Variants in PTPRD observed in about 807,000 individuals in gnomAD.
PTPRD encodes receptor-type tyrosine-protein phosphatase delta.
In PTPRD, 34 loss-of-function variants were observed where a neutral mutation model predicts 214.5. The observed-to-expected ratio is 0.16, with a 90% CI of 0.12 to 0.21. The LOEUF (loss-of-function observed/expected upper bound fraction) is 0.21. PTPRD is among the 10% of genes least tolerant of loss of function. The pLI, the probability that PTPRD is intolerant of heterozygous loss-of-function variation, is 1.00. For synonymous variants in PTPRD, 1,128 were observed against 845.7 expected (o/e 1.33, Z -5.79); for missense variants, 2,545 against 2,398.7 (o/e 1.06, Z -1.27).
At chr9:8,803,328 T>C (rs1170928561) in intron 11 of PTPRD, among the ~76,000 whole-genome samples, 1 of 152,108 alleles carries the variant, frequency 6.6e-6, no homozygotes, top group Non-Finnish European at 1.5e-5. Flanking sequence ...TTCCCTATAA[T>C]TTAATTACCT....
chr9:9,104,825 G>A (rs2099796245), intron 10 of PTPRD, among the ~76,000 whole-genome samples: 1 of 152,106 alleles, frequency 6.6e-6, no homozygotes, highest in Admixed American at 6.5e-5. Context: ...CGGGAAACAG[G>A]GGAGTTCGAC....
At chr9:9,920,313 T>C (rs766525546) in intron 5 of PTPRD, among the ~76,000 whole-genome samples, 2 of 152,140 alleles carry the variant, frequency 1.3e-5, no homozygotes, top group East Asian at 3.9e-4. Flanking sequence ...GGCTGTGCTA[T>C]AGCCATTTAA....
chr9:8,670,180 T>G (rs1306130880), intron 12 of PTPRD, among the ~76,000 whole-genome samples: 1 of 152,124 alleles, frequency 6.6e-6, no homozygotes, highest in Non-Finnish European at 1.5e-5. Context: ...ATCTACTTAT[T>G]TAACGAAAAT....
At chr9:9,454,076 T>G (rs1215047103) in intron 8 of PTPRD, among the ~76,000 whole-genome samples, 1 of 151,744 alleles carries the variant, frequency 6.6e-6, no homozygotes, top group African/African-American at 2.4e-5. Flanking sequence ...CGACAGATTC[T>G]TACAGAAAAA....
intron 3 of PTPRD, among the ~76,000 whole-genome samples, chr9:10,081,838 A>G (rs1422372003): frequency 6.6e-6 from 1 of 152,088 alleles, no homozygotes; most frequent in East Asian, 1.9e-4. Flanking sequence ...AGTCATGAAA[A>G]TAGCTGAGTG....
intron 9 of PTPRD, among the ~76,000 whole-genome samples, chr9:9,310,498 A>C (rs1366139994): frequency 6.6e-6 from 1 of 152,190 alleles, no homozygotes; most frequent in East Asian, 1.9e-4. Flanking sequence ...CTTTAAAAGA[A>C]ATCAACAAAC....
chr9:9,298,151 A>G (rs1318458482), intron 9 of PTPRD, among the ~76,000 whole-genome samples: 2 of 151,638 alleles, frequency 1.3e-5, no homozygotes, highest in Non-Finnish European at 3.0e-5. Context: ...AAAGGAAGAA[A>G]GTTTGAACTT....
chr9:9,611,529 G>A (rs1483291412), intron 7 of PTPRD, among the ~76,000 whole-genome samples: 1 of 151,936 alleles, frequency 6.6e-6, no homozygotes, highest in African/African-American at 2.4e-5. Context: ...AGAATCTGAT[G>A]TATAAAACAT....
At chr9:10,504,821 C>T (rs1384622728) in intron 2 of PTPRD, among the ~76,000 whole-genome samples, 2 of 152,196 alleles carry the variant, frequency 1.3e-5, no homozygotes, top group Admixed American at 1.3e-4. Flanking sequence ...GACTACCCCA[C>T]ATGCCTTCTC....
chr9:10,122,169 A>G (rs766159984), intron 3 of PTPRD, among the ~76,000 whole-genome samples: 2 of 152,018 alleles, frequency 1.3e-5, no homozygotes, highest in Non-Finnish European at 2.9e-5. Context: ...TTAGCTGGGC[A>G]TGGTGGTGCT....
intron 35 of PTPRD, among the ~76,000 whole-genome samples, chr9:8,435,404 C>T (rs1218797460): frequency 1.3e-5 from 2 of 152,098 alleles, no homozygotes; most frequent in Non-Finnish European, 2.9e-5. Context: ...AAGGCTGATA[C>T]AACAGATACC....
chr9:9,119,435 A>G (rs763068173), intron 10 of PTPRD, among the ~76,000 whole-genome samples: 2 of 152,224 alleles, frequency 1.3e-5, no homozygotes, highest in Non-Finnish European at 2.9e-5. Flanking sequence ...AAAATTAAAG[A>G]GATTCATATT....
chr9:8,692,367 C>T (rs2097825733), intron 12 of PTPRD, among the ~76,000 whole-genome samples: 1 of 152,116 alleles, frequency 6.6e-6, no homozygotes, highest in African/African-American at 2.4e-5. Flanking sequence ...ATCATCTCTT[C>T]CTGGAATCTT....
chr9:9,391,389 G>A (rs145981038), intron 9 of PTPRD, among the ~76,000 whole-genome samples: 103 of 152,238 alleles, frequency 6.8e-4, no homozygotes, highest in African/African-American at 2.3e-3. Context: ...GACTTGATTT[G>A]ACTAATGGGT....
chr9:8,863,501 T>C (rs1429110526), intron 11 of PTPRD, among the ~76,000 whole-genome samples: 1 of 152,208 alleles, frequency 6.6e-6, no homozygotes, highest in Admixed American at 6.5e-5. Flanking sequence ...TTATAATTAA[T>C]ATATGACAAG....
chr9:9,116,523 C>G (rs530562161), intron 10 of PTPRD, among the ~76,000 whole-genome samples: 1 of 152,158 alleles, frequency 6.6e-6, no homozygotes, highest in Admixed American at 6.5e-5. Context: ...ATGATGTACA[C>G]TATTTGGGTG....
intron 12 of PTPRD, among the ~76,000 whole-genome samples, chr9:8,668,418 T>C (rs893190724): frequency 1.5e-4 from 23 of 152,204 alleles, no homozygotes; most frequent in African/African-American, 5.5e-4. Context: ...GAGACACATA[T>C]GTTCACCACA....
intron 2 of PTPRD, among the ~76,000 whole-genome samples, chr9:10,585,508 C>T (rs968178459): frequency 2.0e-5 from 3 of 151,818 alleles, no homozygotes; most frequent in African/African-American, 7.3e-5. Context: ...TATTTCAAAC[C>T]CAAAGAATTT....
intron 3 of PTPRD, among the ~76,000 whole-genome samples, chr9:10,087,250 C>G (rs559738957): frequency 6.6e-6 from 1 of 151,320 alleles, no homozygotes; most frequent in East Asian, 2.0e-4. Context: ...GCATATTGCA[C>G]TCATTTTATA....
Sources: gnomAD v4.1 joint callset for allele counts (sites outside exome capture counted in the v4.1 genomes callset) on GRCh38, gnomAD v4.1.1 for gene constraint, MANE v1.5 for transcripts, NCBI Gene and HGNC (gene_info 2026-07-23, HGNC 2026-07-21) for gene names.